Variants in PHKA1 observed in about 807,000 individuals in gnomAD.
PHKA1 encodes the protein phosphorylase kinase regulatory subunit alpha 1.
Under a neutral mutation model 110.2 loss-of-function variants are expected in PHKA1, and 60 were observed. The ratio of observed to expected loss-of-function variants is 0.54; its 90% CI spans 0.44 to 0.68. The LOEUF (loss-of-function observed/expected upper bound fraction) is 0.68, where lower values mean the gene tolerates loss of function less well. Ranked by LOEUF, PHKA1 falls within the 30% of genes least tolerant of loss-of-function variation. The pLI is 0.00. For missense variants in PHKA1, 801 were observed against 942.5 expected (o/e 0.85, Z 1.97); for synonymous variants, 316 against 333.6 (o/e 0.95, Z 0.58).
chrX:72,636,479 CA>C (rs2053231928), intron 14 of PHKA1, 93 bp from the exon 15 acceptor site: 2 of 534,676 alleles, frequency 3.7e-6, no homozygotes, highest in Admixed American at 5.0e-5. Context: ...CACACATACA[CA>C]ATGTATGTAT....
At position 72,584,417 on chromosome X, in the gene PHKA1, C is replaced by T; in HGVS notation, c.3244-115G>A. On this transcript the variant is annotated intron_variant, in intron 29 of 31. Coordinates refer to ENST00000373542, the MANE Select transcript of PHKA1 (RefSeq NM_002637.4). ...CTAAGTGTGCCTCATGTGGTATATG[C>T]TGAGTAATCACAGACTAGCAAGGGG... 8.7e-6 allele frequency: 6 copies of T among 691,008 alleles called. No homozygotes were observed. In the South Asian group the frequency reaches 1.4e-4, roughly 16 times the overall value. The allele number at this position is 691,008 out of a possible 1,213,427, so 56.9% of individuals were successfully genotyped here.
intron 16 of PHKA1, among the ~76,000 whole-genome samples, chrX:72,633,934 G>A (rs903075065): frequency 1.8e-5 from 2 of 111,513 alleles, no homozygotes; most frequent in African/African-American, 6.5e-5. Flanking sequence ...CACAGGTCAA[G>A]TTCATTCTTG....
At position 72,684,557 on chromosome X, in the gene PHKA1, C is replaced by T. The variant is rs201601894; in HGVS notation, c.478G>A (p.Asp160Asn). 111 of 1,174,352 alleles carry T rather than the reference C, an allele frequency of 9.5e-5. No individual in the cohort carries two copies. The East Asian group carries it at 2.7e-3, about 29-fold the overall frequency. Residue 160 changes from aspartate to asparagine, a missense_variant, in exon 5 of 32, where the codon GAT becomes AAT. By Grantham distance (23) the Asp-to-Asn change is conservative. Around this residue, in one of 2 missense-constraint regions of PHKA1, gnomAD observed 299 missense variants for 423.3 expected, o/e 0.71. Coordinates refer to ENST00000373542, the MANE Select transcript of PHKA1 (RefSeq NM_002637.4). Reference protein sequence around the residue: ...ASGLHIIHSLDEVNFIQNLVF... With the variant: ...ASGLHIIHSLNEVNFIQNLVF... ...AGGTTCTGTATGAAATTGACTTCATCTAGGCTGTGGATGATATGGAGTCCT... is the reference window on the plus strand; with the variant it reads ...AGGTTCTGTATGAAATTGACTTCATTTAGGCTGTGGATGATATGGAGTCCT...
intron 29 of PHKA1, among the ~76,000 whole-genome samples, chrX:72,589,725 C>A (rs1315711685): frequency 9.3e-6 from 1 of 107,317 alleles, no homozygotes; most frequent in African/African-American, 3.3e-5. Flanking sequence ...GCAACTTCAG[C>A]AAAGTCTCAG....
chrX:72,599,675 C>T (rs2052632588), intron 28 of PHKA1: 2 of 347,782 alleles, frequency 5.8e-6, no homozygotes, highest in East Asian at 4.5e-5. Context: ...AAAAGATTCA[C>T]CCCCATATAT....
In PHKA1 at chrX:72,579,998, C is replaced by G. The variant is rs782272600; in HGVS notation, c.*1004G>C. The G allele has an allele frequency of 9.0e-5, 10 of 111,506 alleles. No homozygotes were observed. Among genetic ancestry groups the G allele is most frequent in the Admixed American group, 1.9e-4 (2 of 10,500 alleles). The allele number at this position is 111,506 out of a possible 1,213,427, so 9.2% of individuals were successfully genotyped here. A position where few individuals can be genotyped will look rare whatever the true frequency, so the allele number is the denominator to read the frequency against. On this transcript the variant is annotated 3_prime_UTR_variant, in exon 32 of 32. Transcript: ENST00000373542. Reference sequence around the variant, plus strand: ...AGTAGAGCACCTATAGACTGGACTGCTGTATTTATCTTTGCTGAATACAGA... The same window carrying G: ...AGTAGAGCACCTATAGACTGGACTGGTGTATTTATCTTTGCTGAATACAGA...
intron 21 of PHKA1, among the ~76,000 whole-genome samples, chrX:72,615,780 A>G (rs782372698): frequency 2.4e-4 from 25 of 105,454 alleles, no homozygotes; most frequent in Non-Finnish European, 4.3e-4. Context: ...GAAGGAAGGA[A>G]GGAAGGAAGG....
At chrX:72,584,441 G>A in intron 29 of PHKA1, 139 bp from the exon 30 acceptor site, 1 of 592,538 alleles carries the variant, frequency 1.7e-6, no homozygotes, top group South Asian at 2.6e-5. Context: ...ACTAGCAAGG[G>A]GCTCTGCAGT....
intron 16 of PHKA1, among the ~76,000 whole-genome samples, chrX:72,634,591 G>T (rs905238012): frequency 9.3e-6 from 1 of 107,283 alleles, no homozygotes; most frequent in Non-Finnish European, 1.9e-5. Context: ...AAGAGGAAAC[G>T]TAAGCCAAAA....
chrX:72,621,518 C>G (rs1357831208), intron 18 of PHKA1, among the ~76,000 whole-genome samples: 1 of 111,386 alleles, frequency 9.0e-6, no homozygotes, highest in African/African-American at 3.3e-5. Flanking sequence ...ATACATATAT[C>G]CTGTGGAAGC....
intron 15 of PHKA1, 108 bp from the exon 16 acceptor site, chrX:72,635,407 A>T (rs782391124): frequency 1.6e-5 from 11 of 700,579 alleles, no homozygotes; most frequent in Non-Finnish European, 2.2e-5. Context: ...TCACAGGGCA[A>T]TGATACCCCC....
chrX:72,639,866 G>GT (rs2053275754), intron 14 of PHKA1, among the ~76,000 whole-genome samples: 1 of 112,057 alleles, frequency 8.9e-6, no homozygotes, highest in Non-Finnish European at 1.9e-5. Flanking sequence ...GCACCAAAAA[G>GT]TAAGATTAAA....
chrX:72,630,438 T>A (rs782610546), intron 16 of PHKA1, among the ~76,000 whole-genome samples: 1 of 111,550 alleles, frequency 9.0e-6, no homozygotes, highest in Non-Finnish European at 1.9e-5. Flanking sequence ...TTCCTTTCTG[T>A]TTCAAGAACT....
intron 29 of PHKA1, among the ~76,000 whole-genome samples, chrX:72,591,173 C>T (rs2052514864): frequency 8.9e-6 from 1 of 112,018 alleles, no homozygotes; most frequent in Non-Finnish European, 1.9e-5. Context: ...AAATGCCCAT[C>T]AATGATAGAC....
chrX:72,598,835 C>T (rs782020868), intron 28 of PHKA1, among the ~76,000 whole-genome samples: 2 of 110,929 alleles, frequency 1.8e-5, no homozygotes, highest in South Asian at 3.9e-4. Flanking sequence ...TAACTTCTCA[C>T]GTTTTAATTT....
In PHKA1 at chrX:72,582,540, G is replaced by A. The variant is rs782283276; in HGVS notation, c.3356C>T (p.Pro1119Leu). Residue 1119 changes from proline to leucine, a missense_variant, in exon 31 of 32, where the codon CCT becomes CTT. Physicochemically the swap from Pro to Leu is moderately conservative, Grantham distance 98. Coordinates refer to ENST00000373542, the MANE Select transcript of PHKA1 (RefSeq NM_002637.4). Reference sequence around the variant, plus strand: ...CAGCAGCTGACGGTACTCTGGCTGAGGTACACGATTCAGGACAGACTCCAC... The same window carrying A: ...CAGCAGCTGACGGTACTCTGGCTGAAGTACACGATTCAGGACAGACTCCAC... ...VHVESVLNRV[P>L]QPEYRQLLVE... 12 of 1,201,686 alleles carry A rather than the reference G, an allele frequency of 1.0e-5. No individual in the cohort carries two copies. The highest frequency in any genetic ancestry group is 1.2e-5 in the Non-Finnish European group (11 of 887,814).
chrX:72,653,623 A>G, intron 10 of PHKA1, 93 bp from the exon 11 acceptor site: 1 of 565,050 alleles, frequency 1.8e-6, no homozygotes, highest in South Asian at 2.5e-5. Context: ...TCCTATTGCA[A>G]AGGAGCTTAT....
At chrX:72,681,511 C>A (rs1331180284) in intron 5 of PHKA1, among the ~76,000 whole-genome samples, 1 of 92,496 alleles carries the variant, frequency 1.1e-5, no homozygotes, top group South Asian at 5.4e-4. Context: ...GTCAGCCCCC[C>A]GCCTGGCCAG....
At chrX:72,633,979 C>T (rs2053197679) in intron 16 of PHKA1, among the ~76,000 whole-genome samples, 1 of 111,576 alleles carries the variant, frequency 9.0e-6, no homozygotes, top group Non-Finnish European at 1.9e-5. Context: ...TTCCTCCTCA[C>T]TTATAGTACC....
Sources: gnomAD v4.1 joint callset for allele counts (sites outside exome capture counted in the v4.1 genomes callset) on GRCh38, gnomAD v4.1.1 for gene constraint, gnomAD v4.1.1 regional missense constraint, MANE v1.5 for transcripts, NCBI Gene and HGNC (gene_info 2026-07-23, HGNC 2026-07-21) for gene names.